Variants in TBC1D5 observed in about 807,000 individuals in gnomAD.
The protein encoded by TBC1D5 is TBC1 domain family, member 5.
Under a neutral mutation model 100.3 loss-of-function variants are expected in TBC1D5, and 75 were observed. The ratio of observed to expected loss-of-function variants is 0.75; its 90% CI spans 0.62 to 0.91. The LOEUF is 0.91. TBC1D5 is among the 40% of genes least tolerant of loss of function. The pLI is 0.00. For synonymous variants in TBC1D5, 323 were observed against 325.6 expected, an observed-to-expected ratio of 0.99 and a Z score of 0.09; for missense variants, 910 against 942.4, an observed-to-expected ratio of 0.97 and a Z score of 0.45.
chr3:17,468,888 G>A (rs569564713), intron 3 of TBC1D5, among the ~76,000 whole-genome samples: 1 of 152,124 alleles, frequency 6.6e-6, no homozygotes, highest in Non-Finnish European at 1.5e-5. Flanking sequence ...CCTTCAGTTA[G>A]CAAATCTCTA....
intron 3 of TBC1D5, among the ~76,000 whole-genome samples, chr3:17,474,146 G>A (rs1227465850): frequency 6.6e-6 from 1 of 152,074 alleles, no homozygotes; most frequent in Non-Finnish European, 1.5e-5. Context: ...TACAAAGTGT[G>A]CACTCATCCA....
intron 2 of TBC1D5, among the ~76,000 whole-genome samples, chr3:17,531,916 T>C (rs1233185085): frequency 1.3e-5 from 2 of 152,120 alleles, no homozygotes; most frequent in Non-Finnish European, 2.9e-5. Context: ...ATTCAGGACA[T>C]AGGCATGGGC....
intron 3 of TBC1D5, among the ~76,000 whole-genome samples, chr3:17,431,424 A>G (rs1243920670): frequency 6.6e-6 from 1 of 152,028 alleles, no homozygotes; most frequent in Non-Finnish European, 1.5e-5. Flanking sequence ...AGGTATTTCA[A>G]TATCTAATGT....
At chr3:17,730,966 A>G (rs2076504800) in intron 1 of TBC1D5, among the ~76,000 whole-genome samples, 2 of 152,172 alleles carry the variant, frequency 1.3e-5, no homozygotes, top group African/African-American at 4.8e-5. Flanking sequence ...TGAGTAATAC[A>G]TAAATATTAT....
intron 17 of TBC1D5, among the ~76,000 whole-genome samples, chr3:17,218,193 A>T (rs1006677781): frequency 6.6e-6 from 1 of 152,030 alleles, no homozygotes; most frequent in East Asian, 1.9e-4. Flanking sequence ...ATATATGATG[A>T]TCTTTATGTC....
chr3:17,232,074 C>G (rs2075468040), intron 17 of TBC1D5, among the ~76,000 whole-genome samples: 1 of 152,104 alleles, frequency 6.6e-6, no homozygotes, highest in African/African-American at 2.4e-5. Context: ...GTTGAATAAA[C>G]AAATGAGATA....
chr3:17,634,625 G>GT (rs1432261409), intron 1 of TBC1D5, among the ~76,000 whole-genome samples: 33 of 135,294 alleles, frequency 2.4e-4, no homozygotes, highest in African/African-American at 5.4e-5. Context: ...GGCTAATAGG[G>GT]TAAAAAAAAA....
At chr3:17,455,243 T>TACA (rs60879444) in intron 3 of TBC1D5, among the ~76,000 whole-genome samples, 5 of 141,504 alleles carry the variant, frequency 3.5e-5, no homozygotes, top group African/African-American at 8.1e-5. Flanking sequence ...TATACATATA[T>TACA]TATTGTATAT....
chr3:17,421,610 G>GA (rs1381335812), intron 4 of TBC1D5, among the ~76,000 whole-genome samples: 4 of 152,062 alleles, frequency 2.6e-5, no homozygotes, highest in African/African-American at 9.7e-5. Flanking sequence ...AAGAAAAGGT[G>GA]AAAAAAGTTA....
intron 2 of TBC1D5, among the ~76,000 whole-genome samples, chr3:17,571,956 G>A (rs566754304): frequency 1.3e-5 from 2 of 152,064 alleles, no homozygotes; most frequent in African/African-American, 4.8e-5. Context: ...GGATGCTGCA[G>A]GAAAAACCAT....
At chr3:17,700,630 CAAG>C (rs1433899657) in intron 1 of TBC1D5, among the ~76,000 whole-genome samples, 2 of 151,930 alleles carry the variant, frequency 1.3e-5, no homozygotes, top group Non-Finnish European at 2.9e-5. Flanking sequence ...AACAAATTTA[CAAG>C]AAAAAAACAA....
chr3:17,576,818 T>C (rs1231414233), intron 2 of TBC1D5, among the ~76,000 whole-genome samples: 1 of 151,962 alleles, frequency 6.6e-6, no homozygotes, highest in Non-Finnish European at 1.5e-5. Context: ...CAAAAGTACT[T>C]TGATTGATGG....
chr3:17,234,431 G>GAAAA (rs36030574), intron 17 of TBC1D5, among the ~76,000 whole-genome samples: 20 of 144,798 alleles, frequency 1.4e-4, no homozygotes, highest in South Asian at 2.2e-4. Flanking sequence ...AAGGAAACAG[G>GAAAA]AAAAAAAAAA....
chr3:17,372,957 G>A (rs1488542213), intron 12 of TBC1D5, among the ~76,000 whole-genome samples: 1 of 152,096 alleles, frequency 6.6e-6, no homozygotes, highest in African/African-American at 2.4e-5. Flanking sequence ...GGCTTTACGA[G>A]TCATACAGTC....
intron 17 of TBC1D5, among the ~76,000 whole-genome samples, chr3:17,219,891 T>C (rs1224316831): frequency 4.6e-5 from 7 of 152,148 alleles, no homozygotes; most frequent in African/African-American, 1.4e-4. Context: ...ACTGTTCTTA[T>C]GACTTTATGG....
chr3:17,176,727 C>T (rs1374700617), intron 19 of TBC1D5, among the ~76,000 whole-genome samples: 1 of 151,208 alleles, frequency 6.6e-6, no homozygotes, highest in African/African-American at 2.4e-5. Flanking sequence ...TGCAGCAAAC[C>T]ACCATGGCAT....
chr3:17,198,049 A>C (rs559346504), intron 18 of TBC1D5, among the ~76,000 whole-genome samples: 75 of 152,216 alleles, frequency 4.9e-4, no homozygotes, highest in Non-Finnish European at 8.4e-4. Context: ...GAAAAAAAGA[A>C]CAGTTCTGAA....
chr3:17,222,454 T>C (rs946368670), intron 17 of TBC1D5, among the ~76,000 whole-genome samples: 3 of 152,166 alleles, frequency 2.0e-5, no homozygotes, highest in African/African-American at 4.8e-5. Flanking sequence ...TTGATAGACC[T>C]AAATTCTTAC....
intron 8 of TBC1D5, among the ~76,000 whole-genome samples, chr3:17,397,344 A>C (rs2093534915): frequency 6.6e-6 from 1 of 152,156 alleles, no homozygotes; most frequent in African/African-American, 2.4e-5. Context: ...ATACATATAC[A>C]CTATAAACAA....
Sources: gnomAD v4.1 joint callset for allele counts (sites outside exome capture counted in the v4.1 genomes callset) on GRCh38, gnomAD v4.1.1 for gene constraint, MANE v1.5 for transcripts, NCBI Gene and HGNC (gene_info 2026-07-23, HGNC 2026-07-21) for gene names.